GRIP1: variants seen among roughly 807,000 people sequenced by gnomAD.
GRIP1 encodes the protein glutamate receptor-interacting protein 1.
A neutral mutation model predicts 129.9 loss-of-function variants in GRIP1; 45 were observed. The ratio of observed to expected loss-of-function variants is 0.35; its 90% CI spans 0.27 to 0.44. The LOEUF (loss-of-function observed/expected upper bound fraction) is 0.44, where lower values mean the gene tolerates loss of function less well. Among genes scored for constraint, GRIP1 ranks in the 20% least tolerant of loss-of-function variants. The probability of loss-of-function intolerance (pLI) is 1.00; values close to 1 mark genes in which losing one functional copy is unlikely to be tolerated. For missense variants in GRIP1, 1,196 were observed against 1,396.8 expected (o/e 0.86, Z 2.29); for synonymous variants, 530 against 520.8 (o/e 1.02, Z -0.24).
intron 1 of GRIP1, among the ~76,000 whole-genome samples, chr12:66,650,274 C>T (rs868829410): frequency 3.3e-5 from 5 of 152,098 alleles, no homozygotes; most frequent in Admixed American, 2.0e-4. Context: ...CCATCTATGC[C>T]ACCTGTATCT....
intron 1 of GRIP1, among the ~76,000 whole-genome samples, chr12:66,677,835 G>A (rs957643128): frequency 2.0e-5 from 3 of 152,102 alleles, no homozygotes; most frequent in Non-Finnish European, 4.4e-5. Flanking sequence ...ATTCTGATAT[G>A]TCAAGCTAAA....
intron 1 of GRIP1, among the ~76,000 whole-genome samples, chr12:66,896,243 G>A (rs1162955605): frequency 1.3e-5 from 2 of 152,114 alleles, no homozygotes; most frequent in African/African-American, 4.8e-5. Flanking sequence ...GTTTGAGGTT[G>A]TGTTGTGGTG....
intron 1 of GRIP1, among the ~76,000 whole-genome samples, chr12:67,058,730 C>T (rs2043479905): frequency 6.6e-6 from 1 of 152,182 alleles, no homozygotes; most frequent in Non-Finnish European, 1.5e-5. Context: ...ATTTCTATTT[C>T]TTTCTTTGCT....
intron 1 of GRIP1, among the ~76,000 whole-genome samples, chr12:66,763,960 A>T (rs1181742788): frequency 1.3e-5 from 2 of 152,202 alleles, no homozygotes; most frequent in Non-Finnish European, 2.9e-5. Flanking sequence ...TTGCCTAACA[A>T]GGCAAATGCA....
At position 67,066,863 on chromosome 12, in the gene GRIP1, T is replaced by A. The variant is rs1430317892; in HGVS notation, c.58+2187A>T. 2.6e-4 allele frequency among the ~76,000 whole-genome samples: 37 copies of A among 143,838 alleles called. 1 individual carries two copies. The Admixed American group carries it at 2.7e-3, about 10-fold the overall frequency. The allele number at this position is 143,838 out of a possible 152,430, so 94.4% of individuals were successfully genotyped here. On this transcript the variant is annotated intron_variant, in intron 1 of 1. Coordinates refer to the GRIP1 transcript ENST00000643019. Reference sequence around the variant, plus strand: ...TCTGATATATGCATTACAAGTCACATAGGCAGCTCAGTTTAAATATATATT... The same window carrying A: ...TCTGATATATGCATTACAAGTCACAAAGGCAGCTCAGTTTAAATATATATT...
intron 1 of GRIP1, among the ~76,000 whole-genome samples, chr12:66,933,908 G>GT (rs2041441715): frequency 6.6e-6 from 1 of 152,064 alleles, no homozygotes; most frequent in African/African-American, 2.4e-5. Flanking sequence ...AGAATAAGTT[G>GT]TTTTTTGATA....
At chr12:66,951,721 C>T (rs559099082) in intron 1 of GRIP1, among the ~76,000 whole-genome samples, 2 of 152,230 alleles carry the variant, frequency 1.3e-5, no homozygotes, top group East Asian at 1.9e-4. Context: ...CTTAGCCTTG[C>T]GTATCTGGAG....
intron 1 of GRIP1, among the ~76,000 whole-genome samples, chr12:66,737,682 A>G (rs2036650394): frequency 6.6e-6 from 1 of 152,152 alleles, no homozygotes; most frequent in Non-Finnish European, 1.5e-5. Context: ...AAAGTTAGCA[A>G]TATTGCCACA....
At chr12:66,640,246 C>G (rs1013287567) in intron 1 of GRIP1, among the ~76,000 whole-genome samples, 1 of 152,172 alleles carries the variant, frequency 6.6e-6, no homozygotes, top group Non-Finnish European at 1.5e-5. Context: ...AGACAGAGAT[C>G]ATAGTTATTC....
chr12:66,551,566 G>C (rs1251992072), intron 2 of GRIP1, among the ~76,000 whole-genome samples: 1 of 139,630 alleles, frequency 7.2e-6, no homozygotes, highest in East Asian at 2.1e-4. Context: ...CTTTTGGCTA[G>C]AATCCTTTTT....
At chr12:66,954,847 G>C (rs944037083) in intron 1 of GRIP1, among the ~76,000 whole-genome samples, 1 of 152,052 alleles carries the variant, frequency 6.6e-6, no homozygotes, top group African/African-American at 2.4e-5. Context: ...CGTGCTATGG[G>C]GGAGGCAGTG....
chr12:66,991,093 A>G (rs559780102), intron 1 of GRIP1, among the ~76,000 whole-genome samples: 3 of 152,096 alleles, frequency 2.0e-5, no homozygotes, highest in African/African-American at 4.8e-5. Flanking sequence ...TAACAGGGTG[A>G]AATCCCGTCT....
At chr12:67,045,834 C>T (rs1399116043) in intron 1 of GRIP1, among the ~76,000 whole-genome samples, 1 of 152,128 alleles carries the variant, frequency 6.6e-6, no homozygotes, top group Non-Finnish European at 1.5e-5. Context: ...GGTGACAGGG[C>T]CGGGGCTGTC....
chr12:67,065,887 A>C (rs2043615951), intron 1 of GRIP1, among the ~76,000 whole-genome samples: 1 of 152,254 alleles, frequency 6.6e-6, no homozygotes, highest in African/African-American at 2.4e-5. Context: ...ATTGGAAGAG[A>C]TATCAAACAG....
intron 1 of GRIP1, among the ~76,000 whole-genome samples, chr12:66,754,183 A>C (rs999868334): frequency 5.3e-5 from 8 of 152,214 alleles, no homozygotes; most frequent in African/African-American, 1.9e-4. Context: ...CTTTTGACAA[A>C]GGAATATAGA....
chr12:67,039,356 A>C (rs774396), intron 1 of GRIP1, among the ~76,000 whole-genome samples: 145,194 of 151,988 alleles, frequency 0.96, 69,559 homozygotes, highest in Non-Finnish European at 1. Context: ...GGCACACACA[A>C]AAAAAATTCT....
At chr12:66,390,884 A>T (rs772858479) in intron 19 of GRIP1, among the ~76,000 whole-genome samples, 12 of 152,212 alleles carry the variant, frequency 7.9e-5, no homozygotes, top group Non-Finnish European at 4.4e-5. Flanking sequence ...ACAAGGTATT[A>T]TGACTTGGAA....
chr12:66,532,247 G>A (rs1479040450), intron 4 of GRIP1, among the ~76,000 whole-genome samples: 1 of 152,090 alleles, frequency 6.6e-6, no homozygotes, highest in African/African-American at 2.4e-5. Context: ...GTTTTCACGT[G>A]CAGTACCAGA....
At chr12:67,008,924 A>G (rs1592460909) in intron 1 of GRIP1, among the ~76,000 whole-genome samples, 1 of 6,824 alleles carries the variant, frequency 1.5e-4, no homozygotes, top group Admixed American at 1.8e-3. Context: ...TTTCTCCAGG[A>G]AAAAAAAAGT....
Sources: gnomAD v4.1 joint callset for allele counts (sites outside exome capture counted in the v4.1 genomes callset) on GRCh38, gnomAD v4.1.1 for gene constraint, MANE v1.5 for transcripts, NCBI Gene and HGNC (gene_info 2026-07-23, HGNC 2026-07-21) for gene names.